TRRAP: variants seen among roughly 807,000 people sequenced by gnomAD.
The protein encoded by TRRAP is transformation/transcription domain associated protein.
In TRRAP, 41 loss-of-function variants were observed where a neutral mutation model predicts 438.8. The ratio of observed to expected loss-of-function variants is 0.09; its 90% CI spans 0.07 to 0.12. The LOEUF (loss-of-function observed/expected upper bound fraction) is 0.12, where lower values mean the gene tolerates loss of function less well. TRRAP is among the 10% of genes least tolerant of loss of function. The probability of loss-of-function intolerance (pLI) is 1.00; values close to 1 mark genes in which losing one functional copy is unlikely to be tolerated. For missense variants in TRRAP, 3,122 were observed against 5,055.1 expected, an observed-to-expected ratio of 0.62 and a Z score of 11.60; for synonymous variants, 1,994 against 1,962.9, an observed-to-expected ratio of 1.02 and a Z score of -0.42.
intron 70 of TRRAP, 122 bp from the exon 71 acceptor site, chr7:99,010,929 TC>T (rs1584422953): frequency 9.9e-7 from 1 of 1,012,688 alleles, no homozygotes; most frequent in African/African-American, 1.6e-5. Context: ...GTTAAATCTG[TC>T]ACCAGAATTT....
In TRRAP at chr7:98,909,428, T is replaced by C. The variant is rs1645316464; in HGVS notation, c.1350+466T>C. Among the ~76,000 whole-genome samples the C allele has an allele frequency of 2.0e-5, 3 of 152,204 alleles. 1 individual carries two copies. In the South Asian group the frequency reaches 6.2e-4, roughly 32 times the overall value. Reference sequence around the variant, plus strand: ...GACCCAGGCTCCCCAGATGCTTCACTTCTGTGCACCAGTTTTTTCATCTTT... The same window carrying C: ...GACCCAGGCTCCCCAGATGCTTCACCTCTGTGCACCAGTTTTTTCATCTTT... On this transcript the variant is annotated intron_variant, in intron 14 of 72. Coordinates refer to ENST00000456197, the MANE Select transcript of TRRAP (RefSeq NM_001375524.1).
rs757631025 is a variant in TRRAP at position 98,967,100 on chromosome 7, A to G, written c.7236A>G (p.Lys2412=). ...LLVKMMTYIE[K]RFPEDLELNA... ...TGAAGATGATGACTTACATAGAAAA[A>G]CGCTTTCCGGAAGACCTTGAATTAA... Residue 2412 remains lysine, a synonymous_variant, in exon 50 of 73, where the codon AAA becomes AAG. Coordinates refer to ENST00000456197, the MANE Select transcript of TRRAP (RefSeq NM_001375524.1). 2 of 1,614,074 alleles carry G rather than the reference A, an allele frequency of 1.2e-6. No homozygotes were observed. The highest frequency in any genetic ancestry group is 1.3e-5 in the African/African-American group (1 of 75,036).
chr7:98,936,477 G>C (rs1554414243), intron 28 of TRRAP, among the ~76,000 whole-genome samples: 1 of 152,182 alleles, frequency 6.6e-6, no homozygotes, highest in African/African-American at 2.4e-5. Context: ...TAGAATGAAT[G>C]TTACCTGTCA....
At chr7:98,997,325 C>G (rs888922111) in intron 67 of TRRAP, among the ~76,000 whole-genome samples, 18 of 151,730 alleles carry the variant, frequency 1.2e-4, no homozygotes, top group Non-Finnish European at 2.7e-4. Flanking sequence ...TGTTCTCAAG[C>G]TGCAGTTCAG....
At position 98,967,710 on chromosome 7, in the gene TRRAP, C is replaced by G. The variant is rs769799095; in HGVS notation, c.7512+12C>G. On this transcript the variant is annotated intron_variant, in intron 51 of 72. Coordinates refer to ENST00000456197, the MANE Select transcript of TRRAP (RefSeq NM_001375524.1). ...AGCAGTGCATTGAGGTAGGAAGACT[C>G]GGCTCACATCTGTGGCCGGGGGCAG... 3.1e-6 allele frequency: 5 copies of G among 1,608,798 alleles called. No individual in the cohort carries two copies. The highest frequency in any genetic ancestry group is 4.2e-6 in the Non-Finnish European group (5 of 1,177,248).
At position 98,910,294 on chromosome 7, in the gene TRRAP, A is replaced by C. The variant is rs1283227135; in HGVS notation, c.1589A>C (p.Gln530Pro). 6.2e-7 allele frequency: 1 copy of C among 1,605,004 alleles called. No individual in the cohort carries two copies. Among genetic ancestry groups the C allele is most frequent in the East Asian group, 2.2e-5 (1 of 44,600 alleles). The change falls in exon 15 of 73, where the codon CAA becomes CCA. Residue 530 changes from glutamine (Q) to proline (P), a missense_variant. Transcript: ENST00000456197. The stretch of plus-strand genomic sequence containing the variant: ...GCCCCCGTGCCTCCCTTCGAGAAGC[A>C]AGGAGAAAAGGACAAGGAAGACAAG... ...TPAPVPPFEK[Q>P]GEKDKEDKQT...
intron 64 of TRRAP, 132 bp downstream of exon 64, chr7:98,990,751 A>C: frequency 2.1e-6 from 2 of 964,682 alleles, no homozygotes; most frequent in Non-Finnish European, 2.9e-6. Flanking sequence ...GGAAGATATA[A>C]TCATGTAGAT....
At chr7:98,899,889 T>G (rs1796396087) in intron 10 of TRRAP, 122 bp downstream of exon 10, 1 of 1,011,868 alleles carries the variant, frequency 9.9e-7, no homozygotes, top group East Asian at 2.5e-5. Flanking sequence ...TTATATGCAC[T>G]GTTGACTTTC....
At chr7:98,993,783 C>T (rs372146066) in intron 66 of TRRAP, 46 bp downstream of exon 66, 44 of 1,586,294 alleles carry the variant, frequency 2.8e-5, no homozygotes, top group East Asian at 4.5e-5. Flanking sequence ...GTAGAGGGGA[C>T]GTGGTGTTCT....
Position 98,912,139 on chromosome 7 carries a change from C to T in TRRAP, c.2125C>T (p.Leu709=). Residue 709 remains leucine, a synonymous_variant, in exon 18 of 73, where the codon CTG becomes TTG. Transcript: ENST00000456197. ...GGGCTCCAACGTGGAGCTCTCCAAC[C>T]TGTACCTCAAGCTGTTCAAGCTGGT... ...EMGSNVELSN[L]YLKLFKLVFG... 6.2e-7 allele frequency: 1 copy of T among 1,614,206 alleles called. No individual in the cohort carries two copies. Among genetic ancestry groups the T allele is most frequent in the Non-Finnish European group, 8.5e-7 (1 of 1,180,040 alleles).
chr7:98,966,686 GA>G lies in TRRAP; in HGVS notation c.7177-343del, dbSNP rs112493953. Among the ~76,000 whole-genome samples, 1,336 of 142,114 alleles carry G rather than the reference GA, an allele frequency of 9.4e-3. 11 individuals carry two copies. Among genetic ancestry groups the G allele is most frequent in the African/African-American group, 0.027 (1,063 of 38,868 alleles). 93.2% of individuals were successfully genotyped at this position (142,114 alleles called of 152,430 possible). ...GGCATCACGGCGAGACACTGTCTTA[GA>G]AAAAAAAAAAAGTTGTTAAATGAAC... On this transcript the variant is annotated intron_variant, in intron 49 of 72. Coordinates refer to ENST00000456197, the MANE Select transcript of TRRAP (RefSeq NM_001375524.1).
Position 98,980,571 on chromosome 7 carries a change from A to G in TRRAP, c.8635-1198A>G, listed in dbSNP as rs75867860. 8.1e-3 allele frequency among the ~76,000 whole-genome samples: 1,241 copies of G among 152,298 alleles called. 10 individuals carry two copies. Among genetic ancestry groups the G allele is most frequent in the African/African-American group, 0.026 (1,071 of 41,574 alleles). On this transcript the variant is annotated intron_variant, in intron 58 of 72. Transcript: ENST00000456197. ...GCTGAGGAGCGGTTGGCCCAGGCTC[A>G]TCGGCTGCTCCATGGAACTGACGCT...
chr7:98,959,425 C>T lies in TRRAP; in HGVS notation c.6424C>T (p.Arg2142Trp), dbSNP rs567468806. Residue 2142 changes from arginine to tryptophan, a missense_variant, in exon 45 of 73, where the codon CGG becomes TGG. Transcript: ENST00000456197. The stretch of plus-strand genomic sequence containing the variant: ...TGTGAACCTTCTGAAGACTGCGTTG[C>T]GGCCAGACATGTGGCCCAAGTCCGA... ...RCVNLLKTALRPDMWPKSELK... is the reference protein window; with the variant it reads ...RCVNLLKTALWPDMWPKSELK... 6.2e-6 allele frequency: 10 copies of T among 1,613,916 alleles called. No homozygotes were observed. Among genetic ancestry groups the T allele is most frequent in the East Asian group, 2.2e-5 (1 of 44,870 alleles).
intron 45 of TRRAP, 33 bp downstream of exon 45, chr7:98,959,523 G>T: frequency 1.3e-6 from 2 of 1,597,772 alleles, no homozygotes; most frequent in African/African-American, 1.3e-5. Context: ...CCAGGGCAGC[G>T]CCACCGAGGC....
In TRRAP at chr7:98,999,673, G is replaced by A. The variant is rs1438547091; in HGVS notation, c.10310-4517G>A. On this transcript the variant is annotated intron_variant, in intron 67 of 72. Coordinates refer to ENST00000456197, the MANE Select transcript of TRRAP (RefSeq NM_001375524.1). The stretch of plus-strand genomic sequence containing the variant: ...ACTAAGTGTGAATGAAGGTGGGAAG[G>A]AGGATGGATAATCTGGTGGCAGTTC... 2.2e-5 allele frequency: 20 copies of A among 922,760 alleles called. No homozygotes were observed. In the Admixed American group the frequency reaches 4.2e-4, roughly 19 times the overall value. 57.2% of individuals were successfully genotyped at this position (922,760 alleles called of 1,614,324 possible).
chr7:98,893,225 C>T (rs1344242656), intron 5 of TRRAP, among the ~76,000 whole-genome samples: 1 of 152,202 alleles, frequency 6.6e-6, no homozygotes, highest in East Asian at 1.9e-4. Context: ...GCTCGGATTA[C>T]AGGCGTGAGC....
rs192031876 is a variant in TRRAP at position 98,931,611 on chromosome 7, G to A, written c.3798G>A (p.Val1266=). The change falls in exon 26 of 73, where the codon GTG becomes GTA. Residue 1266 remains valine (V), a synonymous_variant. Coordinates refer to ENST00000456197, the MANE Select transcript of TRRAP (RefSeq NM_001375524.1). Reference sequence around the variant, plus strand: ...AGCAGGCCATGCATTCGCTGCAGGTGTTGGCCCAGGTCACTGGGAAGAGTG... The same window carrying A: ...AGCAGGCCATGCATTCGCTGCAGGTATTGGCCCAGGTCACTGGGAAGAGTG... ...VRKQAMHSLQ[V]LAQVTGKSVT... is the part of the protein sequence containing the mutation. 5.8e-5 allele frequency: 94 copies of A among 1,614,246 alleles called. No homozygotes were observed. The Admixed American group carries it at 1.5e-3, about 27-fold the overall frequency.
chr7:98,979,968 G>A (rs1211442929), intron 58 of TRRAP, among the ~76,000 whole-genome samples: 2 of 152,190 alleles, frequency 1.3e-5, no homozygotes, highest in Non-Finnish European at 2.9e-5. Flanking sequence ...TAGAAGAGAT[G>A]CCGTTTTTCT....
chr7:98,977,478 C>T (rs1219027364), intron 56 of TRRAP, among the ~76,000 whole-genome samples: 5 of 152,160 alleles, frequency 3.3e-5, no homozygotes, highest in Admixed American at 1.3e-4. Context: ...CATTTAAATA[C>T]GTTTTAAAGC....
Sources: allele counts gnomAD v4.1 joint callset (sites outside exome capture counted in the v4.1 genomes callset), GRCh38; gene constraint gnomAD v4.1.1; transcripts MANE v1.5; gene names NCBI Gene and HGNC (gene_info 2026-07-23, HGNC 2026-07-21).